The following RTN4IP1 variants were observed in gnomAD, a reference collection of about 807,000 sequenced individuals.
RTN4IP1 encodes reticulon 4 interacting protein 1.
Under a neutral mutation model 46.6 loss-of-function variants are expected in RTN4IP1, and 32 were observed. That is an observed-to-expected ratio of 0.69 (90% CI 0.52 to 0.92). The LOEUF (loss-of-function observed/expected upper bound fraction) is 0.92. RTN4IP1 is among the 40% of genes least tolerant of loss of function. The probability of loss-of-function intolerance (pLI) is 0.00; values close to 1 mark genes in which losing one functional copy is unlikely to be tolerated. For synonymous variants in RTN4IP1, 167 were observed against 161.8 expected (o/e 1.03, Z -0.24); for missense variants, 424 against 485.8 (o/e 0.87, Z 1.20).
At chr6:106,624,935 CAA>C (rs1329840633) in intron 1 of RTN4IP1, among the ~76,000 whole-genome samples, 6 of 47,972 alleles carry the variant, frequency 1.3e-4, no homozygotes, top group Non-Finnish European at 2.5e-4. Flanking sequence ...AGCTCTGTCT[CAA>C]AAAAAAAAAA....
intron 8 of RTN4IP1, among the ~76,000 whole-genome samples, chr6:106,575,988 C>T (rs1775218166): frequency 2.0e-5 from 3 of 152,190 alleles, no homozygotes; most frequent in Admixed American, 6.5e-5. Flanking sequence ...GGCTCCTGGT[C>T]TGAGTCCAAA....
At position 106,604,685 on chromosome 6, in the gene RTN4IP1, G is replaced by T. The variant is rs759267237; in HGVS notation, c.621-1763C>A. Among the ~76,000 whole-genome samples, 9 of 152,092 alleles carry T rather than the reference G, an allele frequency of 5.9e-5. No individual in the cohort carries two copies. In the South Asian group the frequency reaches 6.2e-4, roughly 11 times the overall value. The stretch of plus-strand genomic sequence containing the variant: ...CACACACACAGCCCAGATGAATTTT[G>T]TCCTAGGCTACTGTCTGTTCTTTGG... On this transcript the variant is annotated intron_variant, in intron 4 of 8. Transcript: ENST00000369063.
chr6:106,586,115 T>A (rs1004167669), intron 7 of RTN4IP1, among the ~76,000 whole-genome samples: 2 of 152,220 alleles, frequency 1.3e-5, no homozygotes, highest in African/African-American at 4.8e-5. Context: ...GTCTCCTCCA[T>A]CATAGCTCTT....
upstream of RTN4IP1, chr6:106,629,838 A>T: frequency 9.1e-7 from 1 of 1,104,690 alleles, no homozygotes. Flanking sequence ...GTGGGGGATA[A>T]GTACCTTTCG....
intron 8 of RTN4IP1, among the ~76,000 whole-genome samples, chr6:106,580,509 A>G (rs1473386674): frequency 1.3e-5 from 2 of 152,130 alleles, no homozygotes; most frequent in Non-Finnish European, 2.9e-5. Flanking sequence ...ATCTGAGGTC[A>G]GGAGTTCAAG....
At chr6:106,607,216 T>C (rs1479318378) in intron 4 of RTN4IP1, among the ~76,000 whole-genome samples, 1 of 151,872 alleles carries the variant, frequency 6.6e-6, no homozygotes, top group Non-Finnish European at 1.5e-5. Flanking sequence ...AAATGGAAAC[T>C]AGATGCCCAT....
chr6:106,614,644 T>C (rs896902255), intron 4 of RTN4IP1, among the ~76,000 whole-genome samples: 1 of 152,208 alleles, frequency 6.6e-6, no homozygotes, highest in African/African-American at 2.4e-5. Context: ...AAAGTCTTAA[T>C]GTCCCTGAAA....
intron 4 of RTN4IP1, among the ~76,000 whole-genome samples, chr6:106,608,605 A>G (rs1776144444): frequency 6.6e-6 from 1 of 152,216 alleles, no homozygotes; most frequent in Non-Finnish European, 1.5e-5. Context: ...TGCCCCATAA[A>G]TGTGTACATT....
chr6:106,609,283 T>C (rs1776163245), intron 4 of RTN4IP1, among the ~76,000 whole-genome samples: 1 of 152,220 alleles, frequency 6.6e-6, no homozygotes. Context: ...TGGCCAGACA[T>C]GGTGGCTTAC....
intron 6 of RTN4IP1, among the ~76,000 whole-genome samples, chr6:106,589,721 C>T (rs559197164): frequency 2.0e-5 from 3 of 152,186 alleles, no homozygotes; most frequent in Non-Finnish European, 4.4e-5. Flanking sequence ...ACCTAAAAAG[C>T]TGCTATTTGG....
At chr6:106,619,743 C>G (rs1015899059) in intron 3 of RTN4IP1, among the ~76,000 whole-genome samples, 1 of 151,070 alleles carries the variant, frequency 6.6e-6, no homozygotes, top group Non-Finnish European at 1.5e-5. Context: ...TCCTGAGTAG[C>G]TGGGACTACA....
At chr6:106,574,335 C>T (rs1452763833) in intron 8 of RTN4IP1, among the ~76,000 whole-genome samples, 3 of 151,690 alleles carry the variant, frequency 2.0e-5, no homozygotes, top group African/African-American at 7.3e-5. Context: ...CCCAGCTACT[C>T]GGGAGGCTGA....
Position 106,583,445 on chromosome 6 carries a change from T to C in RTN4IP1, c.991-25A>G, listed in dbSNP as rs756257093. On this transcript the variant is annotated intron_variant, in intron 7 of 8. Coordinates refer to ENST00000369063, the MANE Select transcript of RTN4IP1 (RefSeq NM_032730.5). ...GCTAAAAAGAAGAAAACAAAACATG[T>C]CAAATACAGAAAAACATAAAATCTG... The C allele has an allele frequency of 5.1e-6, 8 of 1,565,596 alleles. No homozygotes were observed. The African/African-American group carries it at 6.8e-5, about 13-fold the overall frequency.
chr6:106,601,999 T>C (rs753176986), intron 5 of RTN4IP1, among the ~76,000 whole-genome samples: 4 of 152,192 alleles, frequency 2.6e-5, no homozygotes, highest in Non-Finnish European at 5.9e-5. Flanking sequence ...GTTCCAGCAG[T>C]ATTTGTTGAA....
intron 3 of RTN4IP1, among the ~76,000 whole-genome samples, chr6:106,619,797 G>C (rs917473694): frequency 1.3e-5 from 2 of 151,582 alleles, no homozygotes; most frequent in Admixed American, 1.3e-4. Context: ...ATTTTCAGTA[G>C]AGACAGGGTT....
At chr6:106,597,769 T>C (rs1775835240) in intron 5 of RTN4IP1, among the ~76,000 whole-genome samples, 1 of 152,032 alleles carries the variant, frequency 6.6e-6, no homozygotes, top group African/African-American at 2.4e-5. Flanking sequence ...TATGTATACA[T>C]GTGCCATTCT....
At chr6:106,605,007 T>C (rs980045845) in intron 4 of RTN4IP1, among the ~76,000 whole-genome samples, 2 of 152,146 alleles carry the variant, frequency 1.3e-5, no homozygotes, top group African/African-American at 4.8e-5. Context: ...CTGGCCCTCA[T>C]GCACAATGAC....
chr6:106,598,884 G>A (rs918585654), intron 5 of RTN4IP1, among the ~76,000 whole-genome samples: 3 of 151,986 alleles, frequency 2.0e-5, no homozygotes, highest in Admixed American at 2.0e-4. Context: ...TAAGGTGTAA[G>A]GAAGGGATCC....
rs888673417 is a variant in RTN4IP1, at chr6:106,622,038, G to GAA, written c.427-547_427-546dup. Among the ~76,000 whole-genome samples the GAA allele has an allele frequency of 6.5e-4, 96 of 146,938 alleles. 1 individual carries two copies. Among genetic ancestry groups the GAA allele is most frequent in the African/African-American group, 2.2e-3 (90 of 40,116 alleles). ...ATTGTCATTTAAAGGCCCTTTCAAG[G>GAA]AAAAAAAAAATACCCTAATTCTATA... On this transcript the variant is annotated intron_variant, in intron 2 of 8. Transcript: ENST00000369063.
Sources: gnomAD v4.1 joint callset for allele counts (sites outside exome capture counted in the v4.1 genomes callset) on GRCh38, gnomAD v4.1.1 for gene constraint, MANE v1.5 for transcripts, NCBI Gene and HGNC (gene_info 2026-07-23, HGNC 2026-07-21) for gene names.